The following RGS7 variants were observed in gnomAD, a reference collection of about 807,000 sequenced individuals.
RGS7 encodes the protein regulator of G protein signaling 7.
RGS7 carries 27 observed loss-of-function variants against 81.1 expected under a neutral mutation model. That is an observed-to-expected ratio of 0.33 (90% CI 0.25 to 0.46). RGS7 has a LOEUF of 0.46. Ranked by LOEUF, RGS7 falls within the 20% of genes least tolerant of loss-of-function variation. The pLI is 1.00. For synonymous variants in RGS7, 208 were observed against 207.7 expected (o/e 1.00, Z -0.01); for missense variants, 396 against 607.4 (o/e 0.65, Z 3.66).
chr1:241,310,481 CTG>C (rs66482766), intron 2 of RGS7, among the ~76,000 whole-genome samples: 1 of 147,260 alleles, frequency 6.8e-6, no homozygotes. Context: ...GTCTGTGTGT[CTG>C]TGTGTGAGTG....
At chr1:241,038,993 A>T (rs991556082) in intron 3 of RGS7, among the ~76,000 whole-genome samples, 11 of 152,096 alleles carry the variant, frequency 7.2e-5, no homozygotes, top group Non-Finnish European at 1.5e-4. Flanking sequence ...AAAAAAGAAA[A>T]GGAAAAGAAA....
chr1:241,099,379 TAC>T (rs1166594310), intron 2 of RGS7, among the ~76,000 whole-genome samples: 13 of 152,126 alleles, frequency 8.5e-5, no homozygotes, highest in Non-Finnish European at 1.3e-4. Flanking sequence ...CATGCACATG[TAC>T]ACACACACAT....
At chr1:240,961,939 TAAAAA>T (rs1681513373) in intron 4 of RGS7, among the ~76,000 whole-genome samples, 1 of 151,302 alleles carries the variant, frequency 6.6e-6, no homozygotes, top group Non-Finnish European at 1.5e-5. Context: ...GGAAGGAAAA[TAAAAA>T]GAGAGAGAAG....
chr1:241,144,712 C>T lies in RGS7; in HGVS notation c.79-45950G>A, dbSNP rs1001001430. On this transcript the variant is annotated intron_variant, in intron 2 of 18. Transcript: ENST00000440928. The surrounding 1 kb of genome is among the most constrained non-coding windows in gnomAD (Gnocchi z 4.7). Reference sequence around the variant, plus strand: ...GGTATTTGAAATCTGTTTTTCCTCACGGCAGCAACAAGCCTGCAGCACAGC... The same window carrying T: ...GGTATTTGAAATCTGTTTTTCCTCATGGCAGCAACAAGCCTGCAGCACAGC... 2.6e-5 allele frequency among the ~76,000 whole-genome samples: 4 copies of T among 152,146 alleles called. No individual in the cohort carries two copies. The highest frequency in any genetic ancestry group is 6.5e-5 in the Admixed American group (1 of 15,268).
intron 2 of RGS7, among the ~76,000 whole-genome samples, chr1:241,128,549 C>T (rs2066853678): frequency 6.6e-6 from 1 of 152,056 alleles, no homozygotes; most frequent in Non-Finnish European, 1.5e-5. Context: ...TGTGCCACTG[C>T]ACTCCAGCCT....
At chr1:240,809,288 G>C (rs148832100) in intron 14 of RGS7, among the ~76,000 whole-genome samples, 2 of 152,110 alleles carry the variant, frequency 1.3e-5, no homozygotes, top group Non-Finnish European at 2.9e-5. Context: ...GAGAAACAGT[G>C]CTTCTTATTT....
intron 9 of RGS7, among the ~76,000 whole-genome samples, chr1:240,856,907 C>T (rs778904853): frequency 2.3e-4 from 35 of 152,070 alleles, no homozygotes; most frequent in Non-Finnish European, 4.4e-4. Context: ...TTGATCATGT[C>T]AAGAATGAAT....
intron 2 of RGS7, among the ~76,000 whole-genome samples, chr1:241,139,916 C>T (rs956891784): frequency 3.9e-5 from 6 of 152,182 alleles, no homozygotes; most frequent in Non-Finnish European, 7.3e-5. Flanking sequence ...TGTTTATAAC[C>T]ATCACCTAGG....
At chr1:241,059,240 A>G (rs2061626209) in intron 3 of RGS7, among the ~76,000 whole-genome samples, 2 of 152,092 alleles carry the variant, frequency 1.3e-5, no homozygotes, top group East Asian at 3.9e-4. Context: ...CTCGCTTTCC[A>G]CACTATACTC....
chr1:241,198,346 G>C (rs1430488616), intron 2 of RGS7, among the ~76,000 whole-genome samples: 1 of 151,896 alleles, frequency 6.6e-6, no homozygotes, highest in Non-Finnish European at 1.5e-5. Flanking sequence ...TAAAAAATAA[G>C]AGTGGAAATC....
At chr1:241,328,448 CACTCCTAA>C (rs1377152749) in intron 2 of RGS7, among the ~76,000 whole-genome samples, 1 of 152,248 alleles carries the variant, frequency 6.6e-6, no homozygotes, top group African/African-American at 2.4e-5. Flanking sequence ...GGCCCAGCTC[CACTCCTAA>C]CATGGGATTC....
intron 2 of RGS7, among the ~76,000 whole-genome samples, chr1:241,302,898 C>A (rs1055550372): frequency 6.6e-6 from 1 of 150,932 alleles, no homozygotes; most frequent in African/African-American, 2.4e-5. Flanking sequence ...TTTTTAACAC[C>A]ACTGTAATAC....
At chr1:240,933,726 T>C (rs1216926616) in intron 5 of RGS7, among the ~76,000 whole-genome samples, 1 of 152,016 alleles carries the variant, frequency 6.6e-6, no homozygotes, top group Non-Finnish European at 1.5e-5. Context: ...GTTCAATAAC[T>C]GTTGGAGCAT....
intron 2 of RGS7, among the ~76,000 whole-genome samples, chr1:241,224,560 T>C (rs1176906153): frequency 6.6e-6 from 1 of 152,096 alleles, no homozygotes; most frequent in East Asian, 1.9e-4. Flanking sequence ...GTCTATTTCT[T>C]CCCACCATAA....
intron 2 of RGS7, among the ~76,000 whole-genome samples, chr1:241,140,031 A>C (rs1046390921): frequency 6.6e-5 from 10 of 152,128 alleles, no homozygotes; most frequent in African/African-American, 2.4e-4. Flanking sequence ...AGCCTGCTGG[A>C]TGTTCCTGAT....
intron 2 of RGS7, among the ~76,000 whole-genome samples, chr1:241,128,514 G>C (rs953741094): frequency 4.9e-5 from 7 of 143,860 alleles, no homozygotes; most frequent in African/African-American, 1.8e-4. Flanking sequence ...TTGAACCCGG[G>C]GCGGAGGTTA....
At chr1:241,093,634 A>G (rs1048934143) in intron 3 of RGS7, among the ~76,000 whole-genome samples, 1 of 152,096 alleles carries the variant, frequency 6.6e-6, no homozygotes, top group Non-Finnish European at 1.5e-5. Flanking sequence ...GGAAAAAATA[A>G]ATAAAATAAA....
chr1:240,884,895 T>C (rs780487662), intron 6 of RGS7, among the ~76,000 whole-genome samples: 2 of 151,926 alleles, frequency 1.3e-5, no homozygotes, highest in Non-Finnish European at 2.9e-5. Flanking sequence ...AAAGCGAAAA[T>C]TGACAAATAG....
At chr1:241,259,866 T>G (rs536064007) in intron 2 of RGS7, among the ~76,000 whole-genome samples, 2 of 151,644 alleles carry the variant, frequency 1.3e-5, no homozygotes, top group Admixed American at 1.3e-4. Flanking sequence ...AGTTTAAAAT[T>G]ATAAAATATT....
Sources: allele counts gnomAD v4.1 joint callset (sites outside exome capture counted in the v4.1 genomes callset), GRCh38; gene constraint gnomAD v4.1.1; non-coding constraint Gnocchi (gnomAD v3.1); transcripts MANE v1.5; gene names NCBI Gene and HGNC (gene_info 2026-07-23, HGNC 2026-07-21).